The following MSI2 variants were observed in gnomAD, a reference collection of about 807,000 sequenced individuals.
The protein encoded by MSI2 is musashi RNA binding protein 2.
A neutral mutation model predicts 45.6 loss-of-function variants in MSI2; 17 were observed. That is an observed-to-expected ratio of 0.37 (90% CI 0.26 to 0.56). The LOEUF (loss-of-function observed/expected upper bound fraction) is 0.56, where lower values mean the gene tolerates loss of function less well. Ranked by LOEUF, MSI2 falls within the 20% of genes least tolerant of loss-of-function variation. MSI2 has a pLI of 0.77. For missense variants in MSI2, 293 were observed against 444.2 expected, an observed-to-expected ratio of 0.66 and a Z score of 3.06; for synonymous variants, 156 against 158.2, an observed-to-expected ratio of 0.99 and a Z score of 0.11.
chr17:57,544,457 G>C (rs1292482794), intron 7 of MSI2, among the ~76,000 whole-genome samples: 1 of 152,238 alleles, frequency 6.6e-6, no homozygotes, highest in African/African-American at 2.4e-5. Flanking sequence ...TCTTTATAAG[G>C]TTCTTTCAAA....
At chr17:57,699,551 AT>A in the MSI2 span, among the ~76,000 whole-genome samples, 1 of 81,152 alleles carries the variant, frequency 1.2e-5, no homozygotes, top group African/African-American at 1.1e-4. Flanking sequence ...AGGGTATAAT[AT>A]TATACCCTTT....
Position 57,323,710 on chromosome 17 carries a change from G to A in MSI2, c.312+61518G>A, listed in dbSNP as rs76300367. ...TAGTTGCCAGGATGGGCAGAGAAGA[G>A]GGGATGGAGCAGACACACTGTCTGC... On this transcript the variant is annotated intron_variant, in intron 5 of 13. Coordinates refer to ENST00000284073, the MANE Select transcript of MSI2 (RefSeq NM_138962.4). Among the ~76,000 whole-genome samples the A allele has an allele frequency of 4.7e-3, 723 of 152,388 alleles. 5 individuals carry two copies. The highest frequency in any genetic ancestry group is 7.3e-3 in the Non-Finnish European group (494 of 68,042).
At chr17:57,278,009 G>A (rs1203023597) in intron 5 of MSI2, 1 of 152,766 alleles carries the variant, frequency 6.5e-6, no homozygotes. Flanking sequence ...GACCAGCCTG[G>A]GCAACACAGT....
Position 57,596,224 on chromosome 17 carries a change from C to T in MSI2, c.455-644C>T, listed in dbSNP as rs985106545. 2.6e-5 allele frequency among the ~76,000 whole-genome samples: 4 copies of T among 152,212 alleles called. No individual in the cohort carries two copies. Among genetic ancestry groups the T allele is most frequent in the Non-Finnish European group, 5.9e-5 (4 of 68,040 alleles). Reference sequence around the variant, plus strand: ...TTCAGTGCAGCTTGTCTAGCAAAGCCGGTCTCCAGCAGAGTACATACAGTG... The same window carrying T: ...TTCAGTGCAGCTTGTCTAGCAAAGCTGGTCTCCAGCAGAGTACATACAGTG... On this transcript the variant is annotated intron_variant, in intron 7 of 13. Transcript: ENST00000284073. This position sits in a 1 kb window ranked among gnomAD's most constrained non-coding sequence, Gnocchi z 4.6.
Position 57,257,149 on chromosome 17 carries a change from GA to G in MSI2, c.103+12del, listed in dbSNP as rs780411372. 2.2e-5 allele frequency: 33 copies of G among 1,511,232 alleles called. No homozygotes were observed. The highest frequency in any genetic ancestry group is 5.5e-5 in the Admixed American group (3 of 54,878). The allele number at this position is 1,511,232 out of a possible 1,614,324, so 93.6% of individuals were successfully genotyped here. A position where few individuals can be genotyped will look rare whatever the true frequency, so the allele number is the denominator to read the frequency against. On this transcript the variant is annotated intron_variant, in intron 2 of 13. Transcript: ENST00000284073. The stretch of plus-strand genomic sequence containing the variant: ...GGCAGACCTCACCAGGTAAGGGAGG[GA>G]GGGGGGGACGCCTGGGTCCCCCCCT...
At chr17:57,513,001 TC>T (rs2086391376) in intron 6 of MSI2, among the ~76,000 whole-genome samples, 1 of 124,090 alleles carries the variant, frequency 8.1e-6, no homozygotes, top group African/African-American at 3.0e-5. Flanking sequence ...TGAGACAGAG[TC>T]TCACTCTGTC....
chr17:57,358,023 CAG>C (rs1197500980), intron 5 of MSI2, among the ~76,000 whole-genome samples: 1 of 152,200 alleles, frequency 6.6e-6, no homozygotes, highest in Non-Finnish European at 1.5e-5. Context: ...GTGAACCCCA[CAG>C]CTTTGGGGGC....
chr17:57,469,352 T>A (rs2085389952), intron 6 of MSI2, among the ~76,000 whole-genome samples: 5 of 152,220 alleles, frequency 3.3e-5, no homozygotes, highest in Admixed American at 3.3e-4. Flanking sequence ...TTCACTGTAA[T>A]GGAGATTTAG....
the MSI2 span, among the ~76,000 whole-genome samples, chr17:57,697,287 C>A: frequency 1.5e-3 from 223 of 151,990 alleles, no homozygotes; most frequent in African/African-American, 5.2e-3. Context: ...CCCTCACACA[C>A]TCTACACACT....
chr17:57,473,858 C>T (rs1160904316), intron 6 of MSI2, among the ~76,000 whole-genome samples: 4 of 152,210 alleles, frequency 2.6e-5, no homozygotes, highest in African/African-American at 9.6e-5. Flanking sequence ...TGGGAACTCA[C>T]ATTCCTGAGA....
intron 6 of MSI2, among the ~76,000 whole-genome samples, chr17:57,447,267 G>C (rs968401354): frequency 6.6e-6 from 1 of 151,962 alleles, no homozygotes; most frequent in Non-Finnish European, 1.5e-5. Flanking sequence ...GTTTTGTTTC[G>C]TTATTTATTT....
intron 10 of MSI2, among the ~76,000 whole-genome samples, chr17:57,635,766 G>A (rs946472960): frequency 2.0e-5 from 3 of 152,222 alleles, no homozygotes; most frequent in Non-Finnish European, 2.9e-5. Flanking sequence ...GTTTGCTCTC[G>A]GGTCCTGATG....
chr17:57,456,012 G>A (rs1270347994), intron 6 of MSI2, among the ~76,000 whole-genome samples: 1 of 152,218 alleles, frequency 6.6e-6, no homozygotes, highest in Non-Finnish European at 1.5e-5. Flanking sequence ...TGCATGTGAA[G>A]ATAGACCAGA....
At chr17:57,436,120 G>T (rs1303956232) in intron 6 of MSI2, among the ~76,000 whole-genome samples, 1 of 152,214 alleles carries the variant, frequency 6.6e-6, no homozygotes, top group Non-Finnish European at 1.5e-5. Flanking sequence ...TGTGGAAGCG[G>T]GTATCACTGT....
At chr17:57,374,454 A>G (rs1187238051) in intron 5 of MSI2, among the ~76,000 whole-genome samples, 1 of 152,114 alleles carries the variant, frequency 6.6e-6, no homozygotes, top group Non-Finnish European at 1.5e-5. Flanking sequence ...CTATTGAGGA[A>G]CCTACATTTT....
intron 8 of MSI2, among the ~76,000 whole-genome samples, chr17:57,606,522 G>C (rs557981109): frequency 6.6e-6 from 1 of 152,246 alleles, no homozygotes; most frequent in Non-Finnish European, 1.5e-5. Flanking sequence ...TGGGCAGGGT[G>C]GGGGCTGCAG....
chr17:57,491,732 G>A lies in MSI2; in HGVS notation c.406-37944G>A, dbSNP rs150495457. Among the ~76,000 whole-genome samples the A allele has an allele frequency of 3.6e-3, 548 of 152,146 alleles. 2 individuals carry two copies. The highest frequency in any genetic ancestry group is 0.012 in the African/African-American group (512 of 41,524). On this transcript the variant is annotated intron_variant, in intron 6 of 13. Coordinates refer to ENST00000284073, the MANE Select transcript of MSI2 (RefSeq NM_138962.4). Reference sequence around the variant, plus strand: ...GCCTTCCTGCAGGAGGATGGCCAACGCCTAATGATGATGATGATTTTTTCA... The same window carrying A: ...GCCTTCCTGCAGGAGGATGGCCAACACCTAATGATGATGATGATTTTTTCA...
chr17:57,489,907 A>T (rs1437078347), intron 6 of MSI2, among the ~76,000 whole-genome samples: 1 of 152,182 alleles, frequency 6.6e-6, no homozygotes, highest in Non-Finnish European at 1.5e-5. Flanking sequence ...TGTTTTTATT[A>T]TTTGAAGGAA....
At chr17:57,418,691 A>G (rs1438950021) in intron 6 of MSI2, among the ~76,000 whole-genome samples, 1 of 152,216 alleles carries the variant, frequency 6.6e-6, no homozygotes, top group African/African-American at 2.4e-5. Context: ...CACATTCCTG[A>G]AAGTGGAAGG....
Sources: gnomAD v4.1 joint callset for allele counts (sites outside exome capture counted in the v4.1 genomes callset) on GRCh38, gnomAD v4.1.1 for gene constraint, Gnocchi (gnomAD v3.1) non-coding constraint, MANE v1.5 for transcripts, NCBI Gene and HGNC (gene_info 2026-07-23, HGNC 2026-07-21) for gene names.